TDRP: variants seen among roughly 807,000 people sequenced by gnomAD.
TDRP encodes testis development-related protein.
Under a neutral mutation model 10.5 loss-of-function variants are expected in TDRP, and 12 were observed. The observed-to-expected ratio is 1.15, with a 90% confidence interval of 0.73 to 1.86. The LOEUF (loss-of-function observed/expected upper bound fraction) is 1.86, where lower values mean the gene tolerates loss of function less well. Ranked by LOEUF, TDRP falls within the 40% of genes most tolerant of loss-of-function variation. The pLI is 0.00. For synonymous variants in TDRP, 139 were observed against 95.4 expected, an observed-to-expected ratio of 1.46 and a Z score of -2.67; for missense variants, 353 against 229.2, an observed-to-expected ratio of 1.54 and a Z score of -3.49.
intron 1 of TDRP, among the ~76,000 whole-genome samples, chr8:524,635 G>T (rs1378767336): frequency 6.6e-6 from 1 of 152,100 alleles, no homozygotes; most frequent in Non-Finnish European, 1.5e-5. Flanking sequence ...CAGAAATTCT[G>T]AAAAATTTAC....
intron 2 of TDRP, 64 bp from the exon 3 acceptor site, chr8:492,808 T>C (rs956051861): frequency 5.6e-6 from 7 of 1,242,476 alleles, no homozygotes; most frequent in Non-Finnish European, 7.7e-6. Flanking sequence ...CTTTATCCAT[T>C]TTACAAACAT....
chr8:523,741 G>A (rs1335328897), intron 1 of TDRP, among the ~76,000 whole-genome samples: 1 of 152,118 alleles, frequency 6.6e-6, no homozygotes, highest in Non-Finnish European at 1.5e-5. Flanking sequence ...GAGTGGGAAG[G>A]ACTTTGTCTA....
intron 1 of TDRP, among the ~76,000 whole-genome samples, chr8:523,408 T>C (rs1045970168): frequency 1.3e-5 from 2 of 151,908 alleles, no homozygotes; most frequent in East Asian, 1.9e-4. Flanking sequence ...ATTTAACAAC[T>C]ATCTACACAA....
At chr8:496,473 G>T (rs1801138989) in intron 1 of TDRP, among the ~76,000 whole-genome samples, 2 of 152,334 alleles carry the variant, frequency 1.3e-5, no homozygotes, top group South Asian at 4.1e-4. Flanking sequence ...CAGACACAGT[G>T]AAGCTTCGTG....
chr8:526,227 G>T (rs1253715916), intron 1 of TDRP, among the ~76,000 whole-genome samples: 1 of 152,022 alleles, frequency 6.6e-6, no homozygotes, highest in Non-Finnish European at 1.5e-5. Context: ...TGAACTACTG[G>T]CCTCCAGTGA....
At chr8:529,053 T>G (rs986136378) in intron 1 of TDRP, among the ~76,000 whole-genome samples, 1 of 152,112 alleles carries the variant, frequency 6.6e-6, no homozygotes, top group Non-Finnish European at 1.5e-5. Flanking sequence ...AGTCTAGCCT[T>G]TTCATGTTTT....
chr8:524,079 C>T (rs924556612), intron 1 of TDRP, among the ~76,000 whole-genome samples: 2 of 152,230 alleles, frequency 1.3e-5, no homozygotes, highest in African/African-American at 2.4e-5. Context: ...ACCCCTCTCC[C>T]AGTTCCCAGC....
chr8:541,841 T>C (rs1411825819), intron 1 of TDRP, among the ~76,000 whole-genome samples: 1 of 152,194 alleles, frequency 6.6e-6, no homozygotes, highest in African/African-American at 2.4e-5. Context: ...GGAAGACGGT[T>C]TGGCGGTTTC....
intron 1 of TDRP, among the ~76,000 whole-genome samples, chr8:521,066 A>C (rs1801889345): frequency 6.6e-6 from 1 of 151,894 alleles, no homozygotes; most frequent in Admixed American, 6.6e-5. Flanking sequence ...TTTCTGATTT[A>C]GGTCTTTAAT....
chr8:526,648 G>C (rs567570492), intron 1 of TDRP, among the ~76,000 whole-genome samples: 1 of 152,074 alleles, frequency 6.6e-6, no homozygotes, highest in Non-Finnish European at 1.5e-5. Flanking sequence ...CATCATATTG[G>C]CCTGTGGTTT....
At chr8:528,398 C>G (rs922501899) in intron 1 of TDRP, among the ~76,000 whole-genome samples, 5 of 131,042 alleles carry the variant, frequency 3.8e-5, no homozygotes, top group African/African-American at 1.3e-4. Context: ...TCCAGCAATC[C>G]CACTGCTAGA....
intron 1 of TDRP, among the ~76,000 whole-genome samples, chr8:540,911 C>T (rs931236307): frequency 9.2e-5 from 14 of 151,760 alleles, no homozygotes; most frequent in Admixed American, 1.3e-4. Flanking sequence ...GCAGAATGTG[C>T]TCTCAACCTG....
At chr8:505,903 C>T (rs376710044) in intron 1 of TDRP, among the ~76,000 whole-genome samples, 4 of 152,254 alleles carry the variant, frequency 2.6e-5, no homozygotes, top group East Asian at 1.9e-4. Context: ...AAAGTCGGCA[C>T]GTAGATATCA....
At chr8:524,874 G>A (rs867903611) in intron 1 of TDRP, among the ~76,000 whole-genome samples, 6 of 152,120 alleles carry the variant, frequency 3.9e-5, no homozygotes, top group Non-Finnish European at 5.9e-5. Flanking sequence ...AGTAGAGAAC[G>A]AGAGAGAAGG....
At chr8:513,402 T>A (rs925394142) in intron 1 of TDRP, among the ~76,000 whole-genome samples, 1 of 152,088 alleles carries the variant, frequency 6.6e-6, no homozygotes. Context: ...ATAAAAAAAA[T>A]TATATAAGCA....
intron 1 of TDRP, among the ~76,000 whole-genome samples, chr8:534,970 C>T (rs369218227): frequency 2.0e-5 from 3 of 152,138 alleles, no homozygotes; most frequent in African/African-American, 4.8e-5. Flanking sequence ...AACGACACAA[C>T]GCATTCTGAG....
At chr8:506,949 T>C (rs1337018628) in intron 1 of TDRP, among the ~76,000 whole-genome samples, 1 of 152,184 alleles carries the variant, frequency 6.6e-6, no homozygotes, top group East Asian at 1.9e-4. Context: ...CTATAAAGAA[T>C]AATACCTGGG....
chr8:496,018 A>G (rs745827982), intron 1 of TDRP, among the ~76,000 whole-genome samples: 1 of 152,252 alleles, frequency 6.6e-6, no homozygotes. Flanking sequence ...TATGAATCAG[A>G]TACTGGGATA....
chr8:525,288 A>G (rs1802007147), intron 1 of TDRP, among the ~76,000 whole-genome samples: 1 of 152,158 alleles, frequency 6.6e-6, no homozygotes, highest in African/African-American at 2.4e-5. Flanking sequence ...CCAACACCAG[A>G]TCTGTCCTAC....
Sources: gnomAD v4.1 joint callset for allele counts (sites outside exome capture counted in the v4.1 genomes callset) on GRCh38, gnomAD v4.1.1 for gene constraint, MANE v1.5 for transcripts, NCBI Gene and HGNC (gene_info 2026-07-23, HGNC 2026-07-21) for gene names.